The following WDR17 variants were observed in gnomAD, a reference collection of about 807,000 sequenced individuals.
WDR17 encodes the protein WD repeat domain 17.
A neutral mutation model predicts 161.7 loss-of-function variants in WDR17; 143 were observed. That is an observed-to-expected ratio of 0.88 (90% CI 0.77 to 1.02). The LOEUF (loss-of-function observed/expected upper bound fraction) is 1.02. Ranked by LOEUF, WDR17 falls within the 50% of genes least tolerant of loss-of-function variation. The pLI, the probability that WDR17 is intolerant of heterozygous loss-of-function variation, is 0.00. For missense variants in WDR17, 1,469 were observed against 1,520.9 expected, an observed-to-expected ratio of 0.97 and a Z score of 0.57; for synonymous variants, 517 against 515.6, an observed-to-expected ratio of 1.00 and a Z score of -0.04.
At chr4:176,096,408 A>G (rs1437393631) in intron 1 of WDR17, 4 of 758,542 alleles carry the variant, frequency 5.3e-6, no homozygotes, top group Admixed American at 2.7e-5. Flanking sequence ...ACATCATTTC[A>G]CAAGGGAGAT....
rs1014133255 is a variant in WDR17 at position 176,093,293 on chromosome 4, A to G, written c.-6-18282A>G. 6.6e-5 allele frequency among the ~76,000 whole-genome samples: 10 copies of G among 152,172 alleles called. 1 individual carries two copies. Among genetic ancestry groups the G allele is most frequent in the African/African-American group, 2.4e-4 (10 of 41,456 alleles). On this transcript the variant is annotated intron_variant, in intron 1 of 28. Coordinates refer to ENST00000508596, the MANE Select transcript of WDR17 (RefSeq NM_181265.4). ...AATCTACACATTCAGTGCAATCCCC[A>G]TCAAAATACCAATGACATTCTTCAC... is the stretch of plus-strand genomic sequence containing the variant.
At chr4:176,079,079 A>G (rs1182078514) in intron 1 of WDR17, among the ~76,000 whole-genome samples, 1 of 152,016 alleles carries the variant, frequency 6.6e-6, no homozygotes, top group African/African-American at 2.4e-5. Context: ...CTTTAGTTGT[A>G]TGATACCAAC....
intron 15 of WDR17, 84 bp from the exon 16 acceptor site, chr4:176,150,384 C>A: frequency 6.6e-7 from 1 of 1,507,934 alleles, no homozygotes; most frequent in Non-Finnish European, 8.9e-7. Context: ...TTAGATATGC[C>A]TGCATTATAA....
chr4:176,133,625 T>A (rs991180037), intron 7 of WDR17, among the ~76,000 whole-genome samples: 41 of 151,720 alleles, frequency 2.7e-4, no homozygotes, highest in African/African-American at 9.4e-4. Flanking sequence ...TTCCTTATAG[T>A]TTCAATTTTC....
intron 4 of WDR17, among the ~76,000 whole-genome samples, chr4:176,120,311 T>C (rs1741359785): frequency 2.5e-5 from 3 of 118,746 alleles, no homozygotes; most frequent in Admixed American, 8.2e-5. Context: ...TATATATATA[T>C]ATATATATAA....
intron 6 of WDR17, among the ~76,000 whole-genome samples, chr4:176,130,771 A>G (rs1378247721): frequency 2.6e-5 from 4 of 151,924 alleles, no homozygotes; most frequent in African/African-American, 7.2e-5. Flanking sequence ...AAACTGAGAA[A>G]TATTTTCCAT....
rs1365844609 is a variant in WDR17 at position 176,182,134 on chromosome 4, T to C, written c.*2555T>C. The C allele has an allele frequency of 6.6e-6, 1 of 152,054 alleles. No individual in the cohort carries two copies. The highest frequency in any genetic ancestry group is 2.4e-5 in the African/African-American group (1 of 41,450). The allele number at this position is 152,054 out of a possible 1,614,324, so 9.4% of individuals were successfully genotyped here. On this transcript the variant is annotated 3_prime_UTR_variant, in exon 29 of 29. Transcript: ENST00000508596. The surrounding 1 kb of genome is among the most constrained non-coding windows in gnomAD (Gnocchi z 4.2). ...GAATTTATTTTACTATTTGAAAATG[T>C]TCATATTACCAATAATGTGGACAAA... is the stretch of plus-strand genomic sequence containing the variant.
intron 1 of WDR17, among the ~76,000 whole-genome samples, chr4:176,106,617 A>G (rs1014554203): frequency 6.6e-6 from 1 of 152,228 alleles, no homozygotes; most frequent in Admixed American, 6.5e-5. Context: ...AGCAAAAAAC[A>G]TGCAAATTGG....
Position 176,182,558 on chromosome 4 carries a change from C to T in WDR17, c.*2979C>T, listed in dbSNP as rs1471748325. 1.3e-5 allele frequency: 2 copies of T among 151,730 alleles called. No homozygotes were observed. Among genetic ancestry groups the T allele is most frequent in the Non-Finnish European group, 1.5e-5 (1 of 67,902 alleles). The allele number at this position is 151,730 out of a possible 1,614,324, so 9.4% of individuals were successfully genotyped here. A position where few individuals can be genotyped will look rare whatever the true frequency, so the allele number is the denominator to read the frequency against. ...AAAGGTATTCTGAATATAATAAAAG[C>T]CTCACAAATTATTTGTAAAATTTAG... On this transcript the variant is annotated 3_prime_UTR_variant, in exon 29 of 29. Transcript: ENST00000508596. The surrounding 1 kb of genome is among the most constrained non-coding windows in gnomAD (Gnocchi z 4.2).
At chr4:176,131,848 T>A in intron 7 of WDR17, 110 bp downstream of exon 7, 1 of 876,576 alleles carries the variant, frequency 1.1e-6, no homozygotes, top group Non-Finnish European at 1.6e-6. Context: ...TAAGTAATAA[T>A]ATACTAGAAA....
intron 23 of WDR17, 102 bp downstream of exon 23, chr4:176,168,885 T>C (rs1750282731): frequency 4.4e-6 from 6 of 1,367,016 alleles, no homozygotes; most frequent in Admixed American, 4.5e-5. Context: ...AACAAATGTG[T>C]GGTCCCTTTG....
At chr4:176,118,176 T>C (rs1349362878) in intron 3 of WDR17, among the ~76,000 whole-genome samples, 3 of 152,188 alleles carry the variant, frequency 2.0e-5, no homozygotes, top group Admixed American at 2.0e-4. Context: ...GTTGGGAGAA[T>C]TAAATTGCAA....
intron 1 of WDR17, among the ~76,000 whole-genome samples, chr4:176,084,763 T>A (rs1735205825): frequency 6.8e-6 from 1 of 146,866 alleles, no homozygotes; most frequent in Admixed American, 6.9e-5. Flanking sequence ...TATATATATA[T>A]ATTATATATT....
intron 1 of WDR17, among the ~76,000 whole-genome samples, chr4:176,101,432 A>C (rs755670219): frequency 6.6e-6 from 1 of 152,218 alleles, no homozygotes; most frequent in Non-Finnish European, 1.5e-5. Flanking sequence ...AAAGGCAAAA[A>C]AATACAGTTT....
intron 20 of WDR17, among the ~76,000 whole-genome samples, chr4:176,161,563 G>C (rs2126850833): frequency 6.6e-6 from 1 of 152,092 alleles, no homozygotes; most frequent in Middle Eastern, 3.4e-3. Flanking sequence ...TATTAAGCTA[G>C]AAAATAGGAT....
Position 176,182,452 on chromosome 4 carries a change from T to G in WDR17, c.*2873T>G, listed in dbSNP as rs757667841. ...ATATTTCTATGAAATTGTCCAGATG[T>G]GTTCAGGAACATGATTGCATTAGAG... On this transcript the variant is annotated 3_prime_UTR_variant, in exon 29 of 29. Coordinates refer to ENST00000508596, the MANE Select transcript of WDR17 (RefSeq NM_181265.4). This position sits in a 1 kb window ranked among gnomAD's most constrained non-coding sequence, Gnocchi z 4.2. 1.3e-4 allele frequency: 20 copies of G among 151,528 alleles called. No homozygotes were observed. The highest frequency in any genetic ancestry group is 2.5e-4 in the Non-Finnish European group (17 of 67,860). 9.4% of individuals were successfully genotyped at this position (151,528 alleles called of 1,614,324 possible).
At chr4:176,167,668 A>AAAAAAAC (rs1750068707) in intron 22 of WDR17, among the ~76,000 whole-genome samples, 3 of 146,186 alleles carry the variant, frequency 2.1e-5, no homozygotes, top group South Asian at 4.5e-4. Context: ...AAAAAAAAAA[A>AAAAAAAC]AAAACAATAT....
At position 176,160,892 on chromosome 4, in the gene WDR17, A is replaced by C; in HGVS notation, c.2659-19A>C. On this transcript the variant is annotated intron_variant, in intron 19 of 28. Coordinates refer to ENST00000508596, the MANE Select transcript of WDR17 (RefSeq NM_181265.4). ...CAACAATTAGCTAAAGAATAATTCA[A>C]CATTTAATTAAATTCTAGGCTGCTT... The C allele has an allele frequency of 6.4e-7, 1 of 1,569,308 alleles. No homozygotes were observed. Among genetic ancestry groups the C allele is most frequent in the Non-Finnish European group, 8.6e-7 (1 of 1,157,152 alleles).
At chr4:176,142,983 G>A (rs1488307330) in intron 11 of WDR17, among the ~76,000 whole-genome samples, 4 of 152,160 alleles carry the variant, frequency 2.6e-5, no homozygotes, top group African/African-American at 4.8e-5. Flanking sequence ...GGGTTCAAGC[G>A]ATTCTCCAGC....
Sources: allele counts gnomAD v4.1 joint callset (sites outside exome capture counted in the v4.1 genomes callset), GRCh38; gene constraint gnomAD v4.1.1; non-coding constraint Gnocchi (gnomAD v3.1); transcripts MANE v1.5; gene names NCBI Gene and HGNC (gene_info 2026-07-23, HGNC 2026-07-21).